SGIP1: variants seen among roughly 807,000 people sequenced by gnomAD.
SGIP1 encodes the protein SH3GL interacting endocytic adaptor 1.
SGIP1 carries 38 observed loss-of-function variants against 107.5 expected under a neutral mutation model. The ratio of observed to expected loss-of-function variants is 0.35; its 90% CI spans 0.27 to 0.46. The LOEUF (loss-of-function observed/expected upper bound fraction) is 0.46, where lower values mean the gene tolerates loss of function less well. Ranked by LOEUF, SGIP1 falls within the 20% of genes least tolerant of loss-of-function variation. The pLI, the probability that SGIP1 is intolerant of heterozygous loss-of-function variation, is 1.00. For missense variants in SGIP1, 929 were observed against 1,019.5 expected (o/e 0.91, Z 1.21); for synonymous variants, 365 against 366.1 (o/e 1.00, Z 0.03).
intron 19 of SGIP1, among the ~76,000 whole-genome samples, chr1:66,728,995 A>C (rs978497433): frequency 2.0e-5 from 3 of 152,140 alleles, no homozygotes; most frequent in East Asian, 1.9e-4. Context: ...GAAAAAAAAA[A>C]CTGTCAAATA....
chr1:66,611,114 G>A (rs1570571257), intron 1 of SGIP1, among the ~76,000 whole-genome samples: 1 of 152,028 alleles, frequency 6.6e-6, no homozygotes, highest in South Asian at 2.1e-4. Context: ...AACACCACCT[G>A]TTCCCCAAAA....
At chr1:66,637,981 A>C (rs559420890) in intron 4 of SGIP1, among the ~76,000 whole-genome samples, 1 of 151,976 alleles carries the variant, frequency 6.6e-6, no homozygotes, top group Non-Finnish European at 1.5e-5. Flanking sequence ...TAGAACTTTG[A>C]AAATTTTGAA....
chr1:66,541,428 C>T (rs953796554), intron 1 of SGIP1, among the ~76,000 whole-genome samples: 3 of 152,242 alleles, frequency 2.0e-5, no homozygotes, highest in Non-Finnish European at 4.4e-5. Context: ...TCTTCTCACA[C>T]ATTTAATAAG....
intron 1 of SGIP1, among the ~76,000 whole-genome samples, chr1:66,619,946 T>A (rs2070511108): frequency 6.6e-6 from 1 of 152,124 alleles, no homozygotes. Flanking sequence ...TTCTTTGGAG[T>A]ATGAGACTTT....
At chr1:66,601,748 A>G (rs1465837918) in intron 1 of SGIP1, among the ~76,000 whole-genome samples, 4 of 152,190 alleles carry the variant, frequency 2.6e-5, no homozygotes, top group African/African-American at 7.2e-5. Flanking sequence ...TAAAATACCT[A>G]TTCTTCCTGT....
chr1:66,718,893 A>C (rs2093385267), intron 18 of SGIP1, among the ~76,000 whole-genome samples: 2 of 152,176 alleles, frequency 1.3e-5, no homozygotes, highest in Non-Finnish European at 2.9e-5. Flanking sequence ...GAAATGAAAA[A>C]TGTTTTGAGT....
At chr1:66,735,479 T>C (rs1472323289) in intron 21 of SGIP1, among the ~76,000 whole-genome samples, 2 of 152,076 alleles carry the variant, frequency 1.3e-5, no homozygotes, top group African/African-American at 2.4e-5. Context: ...CCTCCCAAAG[T>C]GCCACTGTGC....
intron 18 of SGIP1, among the ~76,000 whole-genome samples, chr1:66,696,920 A>G (rs995694158): frequency 3.3e-5 from 5 of 152,232 alleles, no homozygotes; most frequent in Non-Finnish European, 7.3e-5. Flanking sequence ...CTACAGTTGC[A>G]TAAGTTGGTA....
intron 17 of SGIP1, among the ~76,000 whole-genome samples, chr1:66,691,976 T>A (rs567874829): frequency 6.6e-6 from 1 of 152,030 alleles, no homozygotes; most frequent in African/African-American, 2.4e-5. Flanking sequence ...CTGGCCAACA[T>A]AGTGAAACCC....
intron 7 of SGIP1, among the ~76,000 whole-genome samples, chr1:66,649,116 A>G (rs894903904): frequency 6.6e-6 from 1 of 152,114 alleles, no homozygotes; most frequent in East Asian, 1.9e-4. Flanking sequence ...CTGTGTTTTC[A>G]TGTCCTGGGT....
intron 1 of SGIP1, among the ~76,000 whole-genome samples, chr1:66,576,797 C>T (rs2061130379): frequency 6.6e-6 from 1 of 152,188 alleles, no homozygotes; most frequent in African/African-American, 2.4e-5. Flanking sequence ...AATATGCTTT[C>T]AGATTAGCCA....
At position 66,749,457 on chromosome 1, in the gene SGIP1, T is replaced by G. The variant is rs1343771145; in HGVS notation, c.*6362T>G. Among the ~76,000 whole-genome samples the G allele has an allele frequency of 6.8e-6, 1 of 146,348 alleles. No individual in the cohort carries two copies. Among genetic ancestry groups the G allele is most frequent in the African/African-American group, 2.7e-5 (1 of 37,136 alleles). On this transcript the variant is annotated 3_prime_UTR_variant, in exon 25 of 25. Coordinates refer to ENST00000371037, the MANE Select transcript of SGIP1 (RefSeq NM_032291.4). The stretch of plus-strand genomic sequence containing the variant: ...ATTTCATAGGGTTTTTTTTTTGCTG[T>G]TTTTTTTTCTTTTTTTGCTTTGCTT...
intron 15 of SGIP1, among the ~76,000 whole-genome samples, chr1:66,685,405 T>G (rs746982944): frequency 2.6e-5 from 4 of 152,208 alleles, no homozygotes; most frequent in Non-Finnish European, 5.9e-5. Flanking sequence ...GCCAGAACAG[T>G]ACTTTACTGG....
chr1:66,572,321 C>T (rs1204513363), intron 1 of SGIP1, among the ~76,000 whole-genome samples: 1 of 152,044 alleles, frequency 6.6e-6, no homozygotes, highest in Non-Finnish European at 1.5e-5. Flanking sequence ...GTAAACACCA[C>T]CAACAAATGG....
chr1:66,738,192 A>G (rs1236889978), intron 21 of SGIP1, among the ~76,000 whole-genome samples: 2 of 152,246 alleles, frequency 1.3e-5, no homozygotes, highest in African/African-American at 2.4e-5. Context: ...ATCAAAAGCC[A>G]TATCTGTCAT....
chr1:66,634,201 TTGGTCCCCTCCCTGGGTTCTC>T (rs1372352556), intron 3 of SGIP1: 10 of 1,560,210 alleles, frequency 6.4e-6, no homozygotes, highest in Non-Finnish European at 8.8e-6. Flanking sequence ...TGCTTCCGGC[TTGGTCCCCTCCCTGGGTTCTC>T]TGGTCCCCTC....
intron 15 of SGIP1, chr1:66,683,987 G>A (rs1326760251): frequency 1.4e-6 from 2 of 1,439,738 alleles, no homozygotes; most frequent in African/African-American, 2.8e-5. Flanking sequence ...AAAGTGCTGG[G>A]ATTATAGGCT....
intron 1 of SGIP1, among the ~76,000 whole-genome samples, chr1:66,563,546 CTG>C (rs1355912750): frequency 9.9e-5 from 15 of 152,016 alleles, no homozygotes; most frequent in Non-Finnish European, 1.5e-4. Flanking sequence ...CAAGGGAAGA[CTG>C]TGCTTTGATG....
chr1:66,713,820 A>T (rs2093067101), intron 18 of SGIP1, among the ~76,000 whole-genome samples: 1 of 152,122 alleles, frequency 6.6e-6, no homozygotes, highest in African/African-American at 2.4e-5. Context: ...TTTATCTCCT[A>T]TTGACACAAG....
Sources: allele counts gnomAD v4.1 joint callset (sites outside exome capture counted in the v4.1 genomes callset), GRCh38; gene constraint gnomAD v4.1.1; transcripts MANE v1.5; gene names NCBI Gene and HGNC (gene_info 2026-07-23, HGNC 2026-07-21).